The following EYS variants were observed in gnomAD, a reference collection of about 807,000 sequenced individuals.
EYS encodes the protein EGF-like photoreceptor maintenance factor, also known as protein eyes shut homolog.
EYS carries 250 observed loss-of-function variants against 282.1 expected under a neutral mutation model. That is an observed-to-expected ratio of 0.89 (90% CI 0.80 to 0.98). EYS has a LOEUF of 0.98. Ranked by LOEUF, EYS falls within the 50% of genes least tolerant of loss-of-function variation. The pLI, the probability that EYS is intolerant of heterozygous loss-of-function variation, is 0.00. For synonymous variants in EYS, 1,355 were observed against 1,282.9 expected, an observed-to-expected ratio of 1.06 and a Z score of -1.20; for missense variants, 4,016 against 3,709.0, an observed-to-expected ratio of 1.08 and a Z score of -2.15.
intron 26 of EYS, among the ~76,000 whole-genome samples, chr6:64,543,002 T>G (rs1764737279): frequency 2.0e-5 from 3 of 152,108 alleles, no homozygotes; most frequent in Non-Finnish European, 4.4e-5. Context: ...ATGTCTTAGT[T>G]CAAAAGGAAA....
chr6:65,518,869 AC>A (rs1767239338), intron 2 of EYS, among the ~76,000 whole-genome samples: 1 of 152,260 alleles, frequency 6.6e-6, no homozygotes, highest in Non-Finnish European at 1.5e-5. Context: ...TATCATGAGA[AC>A]AGCATGAGAA....
Position 65,678,899 on chromosome 6 carries a change from C to A in EYS, c.-448+28236G>T, listed in dbSNP as rs547610089. On this transcript the variant is annotated intron_variant, in intron 1 of 42. Coordinates refer to ENST00000503581, the MANE Select transcript of EYS (RefSeq NM_001142800.2). ...TTAAACAGGAAAAAACAGATCAAAA[C>A]CACAATGAAATATCAAGTCATCCCT... is the stretch of plus-strand genomic sequence containing the variant. Among the ~76,000 whole-genome samples the A allele has an allele frequency of 3.4e-5, 5 of 148,974 alleles. No individual in the cohort carries two copies. The South Asian group carries it at 1.1e-3, about 31-fold the overall frequency.
chr6:63,865,857 A>T (rs1192476281), intron 35 of EYS, among the ~76,000 whole-genome samples: 1 of 152,204 alleles, frequency 6.6e-6, no homozygotes, highest in African/African-American at 2.4e-5. Flanking sequence ...GTTGTGAAAC[A>T]CTATGAAAGT....
chr6:65,519,708 A>ATATATATTTTTTTT (rs1554205854), intron 2 of EYS, among the ~76,000 whole-genome samples: 5 of 42,564 alleles, frequency 1.2e-4, no homozygotes, highest in African/African-American at 2.5e-4. Context: ...ATATATATAT[A>ATATATATTTTTTTT]TTTTTTTTTT....
chr6:64,990,899 G>A (rs370294172), intron 14 of EYS, among the ~76,000 whole-genome samples: 5 of 151,430 alleles, frequency 3.3e-5, no homozygotes, highest in Non-Finnish European at 5.9e-5. Context: ...CTTTTATTTT[G>A]CATGTAATCC....
intron 28 of EYS, among the ~76,000 whole-genome samples, chr6:64,394,636 T>G (rs1211816743): frequency 6.6e-6 from 1 of 151,746 alleles, no homozygotes; most frequent in African/African-American, 2.4e-5. Flanking sequence ...CAATTCAAGA[T>G]GGATTAAAGA....
chr6:65,295,391 G>C (rs955870062), intron 12 of EYS, among the ~76,000 whole-genome samples: 13 of 151,886 alleles, frequency 8.6e-5, no homozygotes, highest in African/African-American at 3.1e-4. Flanking sequence ...TAGTATGTTT[G>C]TGACTTCACT....
In EYS at chr6:65,405,682, T is replaced by TTC. The variant is rs530352319; in HGVS notation, c.863-316_863-315insGA. 3.2e-4 allele frequency among the ~76,000 whole-genome samples: 48 copies of TTC among 152,172 alleles called. No homozygotes were observed. In the East Asian group the frequency reaches 5.4e-3, roughly 17 times the overall value. ...AGTTCCAGGCATTTCATTAGAAAGG[T>TTC]ATGATGGAGTATTTGGTCTTTTGCG... is the stretch of plus-strand genomic sequence containing the variant. On this transcript the variant is annotated intron_variant, in intron 5 of 42. Coordinates refer to ENST00000503581, the MANE Select transcript of EYS (RefSeq NM_001142800.2).
At chr6:63,930,808 G>T (rs565487139) in intron 35 of EYS, among the ~76,000 whole-genome samples, 5 of 151,900 alleles carry the variant, frequency 3.3e-5, no homozygotes, top group Non-Finnish European at 1.5e-5. Flanking sequence ...TAATGAGGCC[G>T]TGTTTCCAAA....
intron 12 of EYS, among the ~76,000 whole-genome samples, chr6:65,124,995 C>A (rs918850990): frequency 3.3e-5 from 5 of 152,210 alleles, no homozygotes; most frequent in African/African-American, 4.8e-5. Flanking sequence ...CTGTTAAAAT[C>A]TCCGTGAATC....
chr6:64,111,629 C>T (rs1170821953), intron 31 of EYS, among the ~76,000 whole-genome samples: 1 of 151,972 alleles, frequency 6.6e-6, no homozygotes, highest in Non-Finnish European at 1.5e-5. Flanking sequence ...AGAAAAATGA[C>T]ATAATATTTA....
chr6:63,858,030 T>C (rs574582665), intron 36 of EYS, among the ~76,000 whole-genome samples: 29 of 152,208 alleles, frequency 1.9e-4, no homozygotes, highest in Non-Finnish European at 4.4e-5. Flanking sequence ...GGTAGCATTC[T>C]GGAAAGAGGG....
At chr6:65,330,547 G>T in intron 11 of EYS, 2 of 983,722 alleles carry the variant, frequency 2.0e-6, no homozygotes, top group Non-Finnish European at 2.4e-6. Flanking sequence ...AAAAAATGTG[G>T]TAATATGCAG....
At chr6:64,405,137 C>A (rs552900207) in intron 28 of EYS, among the ~76,000 whole-genome samples, 1 of 152,186 alleles carries the variant, frequency 6.6e-6, no homozygotes, top group African/African-American at 2.4e-5. Flanking sequence ...ATGCTCTCCC[C>A]GACTATTCCC....
At chr6:65,096,915 A>G (rs1018517645) in intron 12 of EYS, among the ~76,000 whole-genome samples, 5 of 151,016 alleles carry the variant, frequency 3.3e-5, no homozygotes, top group African/African-American at 1.2e-4. Flanking sequence ...AATTATGAGG[A>G]AAAGCTCTTG....
At chr6:65,648,320 G>A (rs959594456) in intron 1 of EYS, among the ~76,000 whole-genome samples, 7 of 103,234 alleles carry the variant, frequency 6.8e-5, no homozygotes, top group South Asian at 2.9e-4. Context: ...ATATATGTGT[G>A]TGTGTGTGTG....
At chr6:64,296,596 ATATTTTTTTT>A (rs1769033129) in intron 30 of EYS, among the ~76,000 whole-genome samples, 36 of 6,138 alleles carry the variant, frequency 5.9e-3, no homozygotes, top group Admixed American at 0.05. Flanking sequence ...ATATATATAT[ATATTTTTTTT>A]TTTTTTTTTT....
At chr6:64,715,486 C>T (rs180789152) in intron 22 of EYS, among the ~76,000 whole-genome samples, 4 of 152,296 alleles carry the variant, frequency 2.6e-5, no homozygotes, top group Admixed American at 2.0e-4. Context: ...TTTAAGGCCA[C>T]CATCATTTGT....
rs200622740 is a variant in EYS at position 65,402,625 on chromosome 6, T to C, written c.1057-20A>G. ...AACATCCTAGGAAAGATTAAAAAAA[T>C]ATTTTTACAAAGTATTATGGATATT... On this transcript the variant is annotated intron_variant, in intron 6 of 42. Transcript: ENST00000503581. 3 of 1,506,818 alleles carry C rather than the reference T, an allele frequency of 2.0e-6. No homozygotes were observed. Among genetic ancestry groups the C allele is most frequent in the East Asian group, 4.5e-5 (2 of 44,022 alleles). 93.3% of individuals were successfully genotyped at this position (1,506,818 alleles called of 1,614,324 possible). A position where few individuals can be genotyped will look rare whatever the true frequency, so the allele number is the denominator to read the frequency against.
Sources: allele counts gnomAD v4.1 joint callset (sites outside exome capture counted in the v4.1 genomes callset), GRCh38; gene constraint gnomAD v4.1.1; transcripts MANE v1.5; gene names NCBI Gene and HGNC (gene_info 2026-07-23, HGNC 2026-07-21).